The following TAPT1 variants were observed in gnomAD, a reference collection of about 807,000 sequenced individuals.
TAPT1 encodes the protein transmembrane anterior posterior transformation protein 1 homolog.
In TAPT1, 28 loss-of-function variants were observed where a neutral mutation model predicts 65.6. The ratio of observed to expected loss-of-function variants is 0.43; its 90% CI spans 0.32 to 0.59. The LOEUF is 0.59. TAPT1 is among the 20% of genes least tolerant of loss of function. The probability of loss-of-function intolerance (pLI) is 0.09; values close to 1 mark genes in which losing one functional copy is unlikely to be tolerated. For synonymous variants in TAPT1, 278 were observed against 245.2 expected (o/e 1.13, Z -1.25); for missense variants, 563 against 679.9 (o/e 0.83, Z 1.91).
chr4:16,206,146 A>T (rs1246661685), intron 2 of TAPT1, among the ~76,000 whole-genome samples: 3 of 152,228 alleles, frequency 2.0e-5, no homozygotes, highest in Non-Finnish European at 4.4e-5. Context: ...TAAAAAATTC[A>T]TGCCCCAGAA....
rs188844072 is a variant in TAPT1, at chr4:16,207,928, T to C, written c.331-5348A>G. On this transcript the variant is annotated intron_variant, in intron 2 of 13. Coordinates refer to ENST00000405303, the MANE Select transcript of TAPT1 (RefSeq NM_153365.3). Reference sequence around the variant, plus strand: ...ACAAGGCATGGTAACAATGAAATAATGAATTGCCAAAAAGCACAGAATTAC... The same window carrying C: ...ACAAGGCATGGTAACAATGAAATAACGAATTGCCAAAAAGCACAGAATTAC... Among the ~76,000 whole-genome samples, 172 of 152,290 alleles carry C rather than the reference T, an allele frequency of 1.1e-3. 1 individual carries two copies. The highest frequency in any genetic ancestry group is 2.7e-3 in the South Asian group (13 of 4,824).
chr4:16,194,632 T>A (rs1456354666), intron 3 of TAPT1, among the ~76,000 whole-genome samples: 1 of 152,182 alleles, frequency 6.6e-6, no homozygotes, highest in Non-Finnish European at 1.5e-5. Flanking sequence ...TCATTTGGTA[T>A]TTCTAAAAAT....
chr4:16,226,998 G>C, upstream of TAPT1: 1 of 442,300 alleles, frequency 2.3e-6, no homozygotes, highest in South Asian at 1.6e-5. Context: ...CGCGGCCGCG[G>C]CGGCGGGGGC....
At chr4:16,196,816 T>C (rs10939653) in intron 3 of TAPT1, 185,787 of 560,106 alleles carry the variant, frequency 0.33, 32,295 homozygotes, top group Non-Finnish European at 0.35. Flanking sequence ...TAAAACCTGG[T>C]GTTACGAAGA....
chr4:16,202,151 C>T (rs1316573290), intron 3 of TAPT1, among the ~76,000 whole-genome samples: 2 of 152,062 alleles, frequency 1.3e-5, no homozygotes, highest in Non-Finnish European at 2.9e-5. Context: ...GAGTTAAGAA[C>T]GTGATAAGTA....
At chr4:16,166,957 G>T in intron 12 of TAPT1, 164 bp from the exon 13 acceptor site, 6 of 504,186 alleles carry the variant, frequency 1.2e-5, no homozygotes, top group South Asian at 8.1e-5. Context: ...AGGCCTCCTT[G>T]TCACAAAGAA....
At position 16,163,295 on chromosome 4, in the gene TAPT1, T is replaced by C. The variant is rs539000266; in HGVS notation, c.*13A>G. ...CCCAGGACCCAGCTTCTTCAGCGCATGAAGCCACAGATTCAGTCAATTCGG... is the reference window on the plus strand; with the variant it reads ...CCCAGGACCCAGCTTCTTCAGCGCACGAAGCCACAGATTCAGTCAATTCGG... On this transcript the variant is annotated 3_prime_UTR_variant, in exon 14 of 14. Coordinates refer to ENST00000405303, the MANE Select transcript of TAPT1 (RefSeq NM_153365.3). 1.9e-6 allele frequency: 3 copies of C among 1,607,338 alleles called. No individual in the cohort carries two copies. The highest frequency in any genetic ancestry group is 1.3e-5 in the African/African-American group (1 of 74,946).
At chr4:16,213,176 A>G (rs915607850) in intron 2 of TAPT1, among the ~76,000 whole-genome samples, 2 of 152,194 alleles carry the variant, frequency 1.3e-5, no homozygotes, top group African/African-American at 2.4e-5. Flanking sequence ...CGCCTAGGGG[A>G]GAAGGGGCTG....
intron 3 of TAPT1, among the ~76,000 whole-genome samples, chr4:16,198,332 G>A (rs184788184): frequency 2.0e-5 from 3 of 152,232 alleles, no homozygotes; most frequent in Admixed American, 6.5e-5. Context: ...AAACAGATGA[G>A]GTGAGAACAC....
chr4:16,174,315 A>C, intron 10 of TAPT1, 43 bp from the exon 11 acceptor site: 1 of 1,521,970 alleles, frequency 6.6e-7, no homozygotes, highest in South Asian at 1.2e-5. Context: ...TATGGGATTT[A>C]AACAGCATTT....
chr4:16,179,566 G>C lies in TAPT1; in HGVS notation c.997+11C>G. 1 of 1,491,400 alleles carries C rather than the reference G, an allele frequency of 6.7e-7. No homozygotes were observed. Among genetic ancestry groups the C allele is most frequent in the Non-Finnish European group, 9.0e-7 (1 of 1,109,582 alleles). 92.4% of individuals were successfully genotyped at this position (1,491,400 alleles called of 1,614,324 possible). A position where few individuals can be genotyped will look rare whatever the true frequency, so the allele number is the denominator to read the frequency against. ...AAATTATAAGACACTGTTTTGTTAA[G>C]AGTGAGTTACCTGGATTCCAAGAAA... On this transcript the variant is annotated intron_variant, in intron 8 of 13. Coordinates refer to ENST00000405303, the MANE Select transcript of TAPT1 (RefSeq NM_153365.3).
At chr4:16,169,057 G>T (rs1747823514) in intron 12 of TAPT1, among the ~76,000 whole-genome samples, 1 of 152,214 alleles carries the variant, frequency 6.6e-6, no homozygotes, top group South Asian at 2.1e-4. Flanking sequence ...AGAAGGCATG[G>T]ACAAGGTAGT....
At chr4:16,213,010 C>T (rs1239250703) in intron 2 of TAPT1, among the ~76,000 whole-genome samples, 4 of 152,240 alleles carry the variant, frequency 2.6e-5, no homozygotes, top group Non-Finnish European at 5.9e-5. Flanking sequence ...GCCACTCCAA[C>T]AGAAAGTATG....
intron 7 of TAPT1, among the ~76,000 whole-genome samples, chr4:16,180,435 G>A (rs1041890584): frequency 6.6e-6 from 1 of 152,158 alleles, no homozygotes; most frequent in African/African-American, 2.4e-5. Context: ...GCAATAGTGG[G>A]GGCTGTGACT....
upstream of TAPT1, chr4:16,226,568 C>T: frequency 9.4e-6 from 7 of 741,838 alleles, no homozygotes; most frequent in South Asian, 5.8e-5. Context: ...CCGCCGCCGC[C>T]GCCGCCATCC....
intron 1 of TAPT1, among the ~76,000 whole-genome samples, chr4:16,220,733 G>A (rs1437700586): frequency 6.7e-6 from 1 of 149,562 alleles, no homozygotes; most frequent in African/African-American, 2.5e-5. Flanking sequence ...TGGTGACAGA[G>A]CGAGACTCTA....
chr4:16,208,234 T>A (rs1750456970), intron 2 of TAPT1, among the ~76,000 whole-genome samples: 1 of 152,222 alleles, frequency 6.6e-6, no homozygotes, highest in South Asian at 2.1e-4. Flanking sequence ...CATGGAAGGA[T>A]CTTGAGCTCT....
At chr4:16,179,555 T>C (rs779867999) in intron 8 of TAPT1, 22 bp downstream of exon 8, 9 of 1,421,702 alleles carry the variant, frequency 6.3e-6, no homozygotes, top group Middle Eastern at 1.8e-4. Flanking sequence ...TATAAGACAC[T>C]GTTTTGTTAA....
chr4:16,209,305 C>T lies in TAPT1; in HGVS notation c.330+4463G>A, dbSNP rs187955670. On this transcript the variant is annotated intron_variant, in intron 2 of 13. Transcript: ENST00000405303. Reference sequence around the variant, plus strand: ...TTGTACTATTTAAAAGCACTTGTCACGTTGTATCCTGTATTATAATAACTT... The same window carrying T: ...TTGTACTATTTAAAAGCACTTGTCATGTTGTATCCTGTATTATAATAACTT... Among the ~76,000 whole-genome samples the T allele has an allele frequency of 3.0e-4, 46 of 152,274 alleles. No homozygotes were observed. The Middle Eastern group carries it at 0.014, about 45-fold the overall frequency.
Sources: allele counts gnomAD v4.1 joint callset (sites outside exome capture counted in the v4.1 genomes callset), GRCh38; gene constraint gnomAD v4.1.1; transcripts MANE v1.5; gene names NCBI Gene and HGNC (gene_info 2026-07-23, HGNC 2026-07-21).